The following LHX4 variants were observed in gnomAD, a reference collection of about 807,000 sequenced individuals.
The protein encoded by LHX4 is LIM/homeobox protein Lhx4.
In LHX4, 16 loss-of-function variants were observed where a neutral mutation model predicts 39.2. That is an observed-to-expected ratio of 0.41 (90% CI 0.28 to 0.62). The LOEUF (loss-of-function observed/expected upper bound fraction) is 0.62, where lower values mean the gene tolerates loss of function less well. Ranked by LOEUF, LHX4 falls within the 20% of genes least tolerant of loss-of-function variation. LHX4 has a pLI of 0.33. For missense variants in LHX4, 439 were observed against 511.9 expected, an observed-to-expected ratio of 0.86 and a Z score of 1.37; for synonymous variants, 206 against 198.1, an observed-to-expected ratio of 1.04 and a Z score of -0.33.
upstream of LHX4, among the ~76,000 whole-genome samples, chr1:180,229,804 TGAG>T (rs1215269374): frequency 1.4e-5 from 2 of 144,300 alleles, no homozygotes; most frequent in African/African-American, 5.2e-5. Flanking sequence ...AACGGAGGAG[TGAG>T]GAGGACACGA....
At chr1:180,252,063 G>A (rs1269133642) in intron 2 of LHX4, among the ~76,000 whole-genome samples, 1 of 152,208 alleles carries the variant, frequency 6.6e-6, no homozygotes, top group Admixed American at 6.5e-5. Flanking sequence ...CAGACAGGGA[G>A]GCAGCAGGCT....
Position 180,264,378 on chromosome 1 carries a change from AACACACACAC to A in LHX4, c.249-1988_249-1979del, listed in dbSNP as rs10561933. Reference sequence around the variant, plus strand: ...CTTTCTCTGTTATACACACACACATAACACACACACACACACACACACACACACACACACA... The same window carrying A: ...CTTTCTCTGTTATACACACACACATAACACACACACACACACACACACACA... On this transcript the variant is annotated intron_variant, in intron 2 of 5. Transcript: ENST00000263726. Among the ~76,000 whole-genome samples, 906 of 145,398 alleles carry A rather than the reference AACACACACAC, an allele frequency of 6.2e-3. 7 individuals are homozygous for A. Among genetic ancestry groups the A allele is most frequent in the African/African-American group, 0.022 (846 of 39,202 alleles).
Position 180,248,397 on chromosome 1 carries a change from G to A in LHX4, c.189G>A (p.Gln63=), listed in dbSNP as rs1571264810. ...SCLKCADCQM[Q]LADRCFSRAG... ...TCAAGTGTGCAGACTGCCAGATGCA[G>A]CTGGCGGACAGGTGCTTCTCCAGGG... Residue 63 remains glutamine, a synonymous_variant, in exon 2 of 6, where the codon CAG becomes CAA. Transcript: ENST00000263726. The A allele has an allele frequency of 6.2e-7, 1 of 1,614,236 alleles. No individual in the cohort carries two copies. Among genetic ancestry groups the A allele is most frequent in the Non-Finnish European group, 8.5e-7 (1 of 1,180,030 alleles).
chr1:180,266,431 C>T lies in LHX4; in HGVS notation c.288C>T (p.Ile96=), dbSNP rs760982404. ...GTKCTACQQG[I]PPTQVVRKAQ... The stretch of plus-strand genomic sequence containing the variant: ...AATGCACGGCCTGCCAGCAGGGTAT[C>T]CCCCCAACCCAGGTGGTCCGCAAGG... The change falls in exon 3 of 6, where the codon ATC becomes ATT. Residue 96 remains isoleucine, a synonymous_variant. Coordinates refer to ENST00000263726, the MANE Select transcript of LHX4 (RefSeq NM_033343.4). This position sits in a 1 kb window ranked among gnomAD's most constrained non-coding sequence, Gnocchi z 5.7. The T allele has an allele frequency of 2.5e-6, 4 of 1,613,992 alleles. No individual in the cohort carries two copies. The highest frequency in any genetic ancestry group is 3.3e-5 in the Admixed American group (2 of 60,004).
At chr1:180,260,304 C>T (rs1648061336) in intron 2 of LHX4, among the ~76,000 whole-genome samples, 1 of 151,750 alleles carries the variant, frequency 6.6e-6, no homozygotes, top group Non-Finnish European at 1.5e-5. Context: ...GAGGTCGGAA[C>T]TTACCATCAG....
chr1:180,268,174 T>C lies in LHX4; in HGVS notation c.451+1580T>C, dbSNP rs1304615803. On this transcript the variant is annotated intron_variant, in intron 3 of 5. Coordinates refer to ENST00000263726, the MANE Select transcript of LHX4 (RefSeq NM_033343.4). ...GGAGATTAGGGCAACTTGTCAGGGATGAACCATCACAGCAGATGGACTCAG... is the reference window on the plus strand; with the variant it reads ...GGAGATTAGGGCAACTTGTCAGGGACGAACCATCACAGCAGATGGACTCAG... Among the ~76,000 whole-genome samples the C allele has an allele frequency of 2.6e-5, 4 of 152,344 alleles. No individual in the cohort carries two copies. In the South Asian group the frequency reaches 6.2e-4, roughly 24 times the overall value.
At chr1:180,239,675 G>A (rs568962325) in intron 1 of LHX4, among the ~76,000 whole-genome samples, 4 of 152,172 alleles carry the variant, frequency 2.6e-5, no homozygotes, top group Non-Finnish European at 4.4e-5. Context: ...GTCCTAATTC[G>A]GCCTCAAACT....
At chr1:180,259,438 G>A (rs1648011367) in intron 2 of LHX4, among the ~76,000 whole-genome samples, 1 of 151,848 alleles carries the variant, frequency 6.6e-6, no homozygotes, top group Non-Finnish European at 1.5e-5. Flanking sequence ...GTCTGGTGGA[G>A]GTGCATGGTT....
chr1:180,255,972 C>G (rs534567907), intron 2 of LHX4, among the ~76,000 whole-genome samples: 1 of 152,372 alleles, frequency 6.6e-6, no homozygotes, highest in East Asian at 1.9e-4. Flanking sequence ...GGGCAGCCCT[C>G]TTTTGGCCCA....
chr1:180,265,667 G>T (rs73044490), intron 2 of LHX4, among the ~76,000 whole-genome samples: 1 of 152,340 alleles, frequency 6.6e-6, no homozygotes, highest in African/African-American at 2.4e-5. Flanking sequence ...ACTGTAATCT[G>T]CAGACTCCTT....
In LHX4 at chr1:180,266,519, A is replaced by G; in HGVS notation, c.376A>G (p.Thr126Ala). 3.7e-6 allele frequency: 6 copies of G among 1,614,176 alleles called. No individual in the cohort carries two copies. Among genetic ancestry groups the G allele is most frequent in the Non-Finnish European group, 5.1e-6 (6 of 1,180,018 alleles). The change falls in exon 3 of 6, where the codon ACG becomes GCG. Residue 126 changes from threonine to alanine, a missense_variant. Coordinates refer to ENST00000263726, the MANE Select transcript of LHX4 (RefSeq NM_033343.4). This position sits in a 1 kb window ranked among gnomAD's most constrained non-coding sequence, Gnocchi z 5.7. ...ACIICNRQLA[T>A]GDEFYLMEDG... Reference sequence around the variant, plus strand: ...CATCATCTGCAACCGGCAGCTGGCCACGGGGGACGAATTCTACCTCATGGA... The same window carrying G: ...CATCATCTGCAACCGGCAGCTGGCCGCGGGGGACGAATTCTACCTCATGGA...
intron 2 of LHX4, among the ~76,000 whole-genome samples, chr1:180,256,443 T>G (rs1423257408): frequency 6.6e-6 from 1 of 152,184 alleles, no homozygotes; most frequent in Non-Finnish European, 1.5e-5. Context: ...AGGGCTGGTC[T>G]CTGGTGGGCA....
Position 180,274,419 on chromosome 1 carries a change from TGGGCATCATTGCGCATGCA to T in LHX4, c.1019_1037del (p.Ile340ArgfsTer3), listed in dbSNP as rs762418909. On this transcript the variant is annotated frameshift_variant, in exon 6 of 6. Coordinates refer to ENST00000263726, the MANE Select transcript of LHX4 (RefSeq NM_033343.4). LOFTEE classifies it high-confidence loss of function. ...CTGGATTACACGGTGGACAGTAATT[TGGGCATCATTGCGCATGCA>T]GGGCAGGGAGTAAGCCAGACGCTGA... 2.5e-6 allele frequency: 4 copies of T among 1,614,166 alleles called. No individual in the cohort carries two copies. The South Asian group carries it at 4.4e-5, about 18-fold the overall frequency.
chr1:180,258,984 G>A (rs113217936), intron 2 of LHX4, among the ~76,000 whole-genome samples: 5 of 151,980 alleles, frequency 3.3e-5, no homozygotes, highest in Non-Finnish European at 5.9e-5. Flanking sequence ...CAGAGGGTGC[G>A]GGGGGTGTTG....
intron 2 of LHX4, among the ~76,000 whole-genome samples, chr1:180,254,456 T>C (rs891548044): frequency 2.6e-5 from 4 of 152,354 alleles, no homozygotes; most frequent in African/African-American, 4.8e-5. Context: ...GGCAGCGTCC[T>C]TGGGAGCCCG....
intron 3 of LHX4, among the ~76,000 whole-genome samples, chr1:180,267,004 C>T (rs1558220904): frequency 6.6e-6 from 1 of 152,198 alleles, no homozygotes; most frequent in Non-Finnish European, 1.5e-5. Context: ...ACATGGACCT[C>T]TCAGCAGCCC....
chr1:180,268,397 G>A (rs1367191562), intron 3 of LHX4, among the ~76,000 whole-genome samples: 2 of 152,190 alleles, frequency 1.3e-5, no homozygotes, highest in Non-Finnish European at 2.9e-5. Context: ...TGGCTGGGGA[G>A]GTGGGAATGA....
At position 180,274,165 on chromosome 1, in the gene LHX4, C is replaced by A. The variant is rs781763077; in HGVS notation, c.779-20C>A. 7 of 1,614,034 alleles carry A rather than the reference C, an allele frequency of 4.3e-6. No homozygotes were observed. The highest frequency in any genetic ancestry group is 2.7e-5 in the African/African-American group (2 of 74,928). ...AGAGTCCTGGCAGCTGACAATAAAT[C>A]TCCGTTCTTTTGTCCACAGAGGATC... On this transcript the variant is annotated intron_variant, in intron 5 of 5. Coordinates refer to ENST00000263726, the MANE Select transcript of LHX4 (RefSeq NM_033343.4).
Position 180,230,678 on chromosome 1 carries a change from C to A in LHX4, c.76+73C>A, listed in dbSNP as rs1439337002. On this transcript the variant is annotated intron_variant, in intron 1 of 5. Coordinates refer to ENST00000263726, the MANE Select transcript of LHX4 (RefSeq NM_033343.4). This position sits in a 1 kb window ranked among gnomAD's most constrained non-coding sequence, Gnocchi z 5.8. ...GCAGCCTCAGCCGCTGCGGGGCGGG[C>A]CGGACGCCGCTCAGGGGCCGGGAGG... 6 of 1,435,498 alleles carry A rather than the reference C, an allele frequency of 4.2e-6. No individual in the cohort carries two copies. Among genetic ancestry groups the A allele is most frequent in the Admixed American group, 1.8e-5 (1 of 56,498 alleles). The allele number at this position is 1,435,498 out of a possible 1,614,324, so 88.9% of individuals were successfully genotyped here. A position where few individuals can be genotyped will look rare whatever the true frequency, so the allele number is the denominator to read the frequency against.
Sources: gnomAD v4.1 joint callset for allele counts (sites outside exome capture counted in the v4.1 genomes callset) on GRCh38, gnomAD v4.1.1 for gene constraint, Gnocchi (gnomAD v3.1) non-coding constraint, MANE v1.5 for transcripts, NCBI Gene and HGNC (gene_info 2026-07-23, HGNC 2026-07-21) for gene names.